The following PPARGC1B variants were observed in gnomAD, a reference collection of about 807,000 sequenced individuals.
PPARGC1B encodes the protein peroxisome proliferator-activated receptor gamma coactivator 1-beta.
Under a neutral mutation model 101.6 loss-of-function variants are expected in PPARGC1B, and 34 were observed. The observed-to-expected ratio is 0.33, with a 90% CI of 0.25 to 0.45. PPARGC1B has a LOEUF of 0.45. PPARGC1B is among the 20% of genes least tolerant of loss of function. PPARGC1B has a pLI of 1.00. For missense variants in PPARGC1B, 1,234 were observed against 1,317.6 expected, an observed-to-expected ratio of 0.94 and a Z score of 0.98; for synonymous variants, 548 against 539.3, an observed-to-expected ratio of 1.02 and a Z score of -0.22.
chr5:149,830,777 T>C lies in PPARGC1B; in HGVS notation c.476T>C (p.Leu159Pro). ...CTGCTTTTCCCTCAGCTGCAGAAGC[T>C]CCTCCTGGCCACATCCTACCCAACA... is the stretch of plus-strand genomic sequence containing the variant. The part of the protein sequence containing the change: ...EVDELSLLQK[L>P]LLATSYPTSS... The change falls in exon 4 of 12, where the codon CTC becomes CCC. Residue 159 changes from leucine to proline, a missense_variant. Physicochemically the swap from Leu to Pro is moderately conservative, Grantham distance 98 (BLOSUM62 -3). Transcript: ENST00000309241. The C allele has an allele frequency of 1.2e-6, 2 of 1,613,780 alleles. No individual in the cohort carries two copies. Among genetic ancestry groups the C allele is most frequent in the Non-Finnish European group, 1.7e-6 (2 of 1,179,766 alleles).
chr5:149,832,830 G>C lies in PPARGC1B; in HGVS notation c.757G>C (p.Asp253His). 1 of 1,610,714 alleles carries C rather than the reference G, an allele frequency of 6.2e-7. No homozygotes were observed. Among genetic ancestry groups the C allele is most frequent in the Non-Finnish European group, 8.5e-7 (1 of 1,178,240 alleles). ...PAKEDKEPGEDCPSPQPAPAS... is the reference protein window; with the variant it reads ...PAKEDKEPGEHCPSPQPAPAS... ...CAAGGAGGACAAGGAGCCGGGTGAGGACTGCCCGAGCCCCCAGCCAGCTCC... is the reference window on the plus strand; with the variant it reads ...CAAGGAGGACAAGGAGCCGGGTGAGCACTGCCCGAGCCCCCAGCCAGCTCC... The change falls in exon 5 of 12, where the codon GAC becomes CAC. Residue 253 changes from aspartate to histidine, a missense_variant. Transcript: ENST00000309241. This position sits in a 1 kb window ranked among gnomAD's most constrained non-coding sequence, Gnocchi z 4.9.
intron 1 of PPARGC1B, among the ~76,000 whole-genome samples, chr5:149,820,039 C>A (rs1271459047): frequency 6.6e-6 from 1 of 152,108 alleles, no homozygotes; most frequent in South Asian, 2.1e-4. Flanking sequence ...TTTTTTGTTT[C>A]ATTATTAATA....
At chr5:149,736,998 C>T (rs578013197) in intron 1 of PPARGC1B, among the ~76,000 whole-genome samples, 1 of 152,304 alleles carries the variant, frequency 6.6e-6, no homozygotes, top group East Asian at 1.9e-4. Flanking sequence ...TCTGTAATGA[C>T]AGGTATCTAC....
At chr5:149,770,476 C>T (rs1023374211) in intron 1 of PPARGC1B, among the ~76,000 whole-genome samples, 1 of 152,216 alleles carries the variant, frequency 6.6e-6, no homozygotes, top group Admixed American at 6.5e-5. Context: ...AGACTGTTTA[C>T]TTCCAGGCAG....
rs1400854924 is a variant in PPARGC1B at position 149,845,883 on chromosome 5, G to C, written c.2940G>C (p.Arg980=). 5 of 1,614,134 alleles carry C rather than the reference G, an allele frequency of 3.1e-6. No homozygotes were observed. The highest frequency in any genetic ancestry group is 3.4e-6 in the Non-Finnish European group (4 of 1,180,052). The change falls in exon 11 of 12, where the codon CGG becomes CGC. Residue 980 remains arginine (R), a synonymous_variant. Transcript: ENST00000309241. ...PSFQLSYGGL[R]HFCWPRYTDY... ...TCCAGCTGAGCTACGGAGGGCTCCG[G>C]CACTTCTGCTGGCCCAGATACACTG...
chr5:149,784,455 AGGCC>A (rs1756711309), intron 1 of PPARGC1B, among the ~76,000 whole-genome samples: 1 of 151,534 alleles, frequency 6.6e-6, no homozygotes, highest in Non-Finnish European at 1.5e-5. Flanking sequence ...CTTGGGGCAG[AGGCC>A]ACCCTTACCA....
chr5:149,801,295 A>T (rs906040975), intron 1 of PPARGC1B, among the ~76,000 whole-genome samples: 2 of 152,350 alleles, frequency 1.3e-5, no homozygotes, highest in South Asian at 4.1e-4. Flanking sequence ...CTGTACCTTC[A>T]GAAGGCCATG....
At chr5:149,795,826 A>G (rs574510635) in intron 1 of PPARGC1B, among the ~76,000 whole-genome samples, 1 of 152,078 alleles carries the variant, frequency 6.6e-6, no homozygotes, top group African/African-American at 2.4e-5. Flanking sequence ...ACAGTATAAC[A>G]GTGATTAAGT....
intron 1 of PPARGC1B, among the ~76,000 whole-genome samples, chr5:149,768,483 G>T (rs376435312): frequency 1.6e-5 from 2 of 127,458 alleles, no homozygotes; most frequent in East Asian, 4.6e-4. Flanking sequence ...TTGCTCTGTC[G>T]CCCACACTGG....
intron 1 of PPARGC1B, among the ~76,000 whole-genome samples, chr5:149,744,557 G>A (rs192172707): frequency 2.6e-5 from 4 of 152,188 alleles, no homozygotes; most frequent in African/African-American, 9.7e-5. Context: ...AAGCAAGAAA[G>A]TGTGAAGTAC....
intron 2 of PPARGC1B, among the ~76,000 whole-genome samples, chr5:149,822,848 A>G (rs1758359248): frequency 6.6e-6 from 1 of 151,632 alleles, no homozygotes; most frequent in South Asian, 2.1e-4. Flanking sequence ...AAAAACCTTG[A>G]GCTGGGATCT....
chr5:149,806,672 A>T (rs1176693045), intron 1 of PPARGC1B, among the ~76,000 whole-genome samples: 4 of 149,008 alleles, frequency 2.7e-5, no homozygotes, highest in African/African-American at 1.0e-4. Context: ...CAATGGTGTG[A>T]TCTCGGCTCA....
At chr5:149,792,096 G>A (rs2113260206) in intron 1 of PPARGC1B, among the ~76,000 whole-genome samples, 1 of 152,280 alleles carries the variant, frequency 6.6e-6, no homozygotes, top group East Asian at 1.9e-4. Flanking sequence ...GAGGGAAGGT[G>A]GGGAGCGGGT....
rs2113422186 is a variant in PPARGC1B, at chr5:149,837,451, A to G, written c.2618+378A>G. Among the ~76,000 whole-genome samples, 1 of 152,370 alleles carries G rather than the reference A, an allele frequency of 6.6e-6. No individual in the cohort carries two copies. The highest frequency in any genetic ancestry group is 2.4e-5 in the African/African-American group (1 of 41,588). ...TTTTTGTGCAAACATACCTGCCCCA[A>G]CAGTTTGAATTCTAGGGATGTTTAT... is the stretch of plus-strand genomic sequence containing the variant. On this transcript the variant is annotated intron_variant, in intron 8 of 11. Coordinates refer to ENST00000309241, the MANE Select transcript of PPARGC1B (RefSeq NM_133263.4). This position sits in a 1 kb window ranked among gnomAD's most constrained non-coding sequence, Gnocchi z 4.2.
intron 1 of PPARGC1B, among the ~76,000 whole-genome samples, chr5:149,777,229 A>G (rs1756398093): frequency 2.0e-5 from 3 of 152,200 alleles, no homozygotes; most frequent in South Asian, 2.1e-4. Flanking sequence ...CATTTTCTCA[A>G]TTTTCCCAAA....
Position 149,847,996 on chromosome 5 carries a change from G to T in PPARGC1B, c.*438G>T, listed in dbSNP as rs1330285357. On this transcript the variant is annotated 3_prime_UTR_variant, in exon 12 of 12. Transcript: ENST00000309241. ...ACTTCATTTTTAATTGAAAAAAAAA[G>T]TATATCCTTAAAATAATGTATTTAT... is the stretch of plus-strand genomic sequence containing the variant. 1 of 179,478 alleles carries T rather than the reference G, an allele frequency of 5.6e-6. No individual in the cohort carries two copies. The highest frequency in any genetic ancestry group is 1.4e-4 in the East Asian group (1 of 7,020). 11.1% of individuals were successfully genotyped at this position (179,478 alleles called of 1,614,324 possible).
chr5:149,831,205 C>T (rs1354801486), intron 4 of PPARGC1B, among the ~76,000 whole-genome samples: 23 of 152,176 alleles, frequency 1.5e-4, no homozygotes, highest in Admixed American at 1.4e-3. Flanking sequence ...TGCAAGATTG[C>T]GCTGGTTGTG....
chr5:149,833,788 G>A lies in PPARGC1B; in HGVS notation c.1705+10G>A, dbSNP rs1396923637. On this transcript the variant is annotated intron_variant, in intron 5 of 11. Coordinates refer to ENST00000309241, the MANE Select transcript of PPARGC1B (RefSeq NM_133263.4). The surrounding 1 kb of genome is among the most constrained non-coding windows in gnomAD (Gnocchi z 4.1). ...CAGCTCCCTCCCAGAGGTAGTCAGA[G>A]TTGGTGGTCTGCGAAGTGGGGGCAG... is the stretch of plus-strand genomic sequence containing the variant. The A allele has an allele frequency of 5.4e-6, 8 of 1,489,430 alleles. No individual in the cohort carries two copies. Among genetic ancestry groups the A allele is most frequent in the South Asian group, 2.7e-5 (2 of 73,490 alleles). The allele number at this position is 1,489,430 out of a possible 1,614,324, so 92.3% of individuals were successfully genotyped here.
chr5:149,842,417 A>G, intron 10 of PPARGC1B, 40 bp downstream of exon 10: 2 of 1,602,256 alleles, frequency 1.2e-6, no homozygotes, highest in Non-Finnish European at 8.5e-7. Context: ...GGGAGCAGAG[A>G]GGGGCACTGG....
Sources: allele counts gnomAD v4.1 joint callset (sites outside exome capture counted in the v4.1 genomes callset), GRCh38; gene constraint gnomAD v4.1.1; non-coding constraint Gnocchi (gnomAD v3.1); transcripts MANE v1.5; gene names NCBI Gene and HGNC (gene_info 2026-07-23, HGNC 2026-07-21).